Variants in LRP1B observed in about 807,000 individuals in gnomAD.
LRP1B encodes LDL receptor related protein 1B.
In LRP1B, 217 loss-of-function variants were observed where a neutral mutation model predicts 556.6. That is an observed-to-expected ratio of 0.39 (90% CI 0.35 to 0.44). LRP1B has a LOEUF of 0.44. Ranked by LOEUF, LRP1B falls within the 20% of genes least tolerant of loss-of-function variation. LRP1B has a pLI of 1.00. For missense variants in LRP1B, 5,053 were observed against 5,620.8 expected (o/e 0.90, Z 3.23); for synonymous variants, 2,047 against 1,865.8 (o/e 1.10, Z -2.50).
chr2:140,294,636 G>T (rs1180428842), intron 84 of LRP1B, among the ~76,000 whole-genome samples: 1 of 152,170 alleles, frequency 6.6e-6, no homozygotes, highest in Non-Finnish European at 1.5e-5. Flanking sequence ...GGTTTTACTA[G>T]AATAAAGGAG....
At chr2:141,057,487 A>G (rs1699209661) in intron 9 of LRP1B, among the ~76,000 whole-genome samples, 1 of 151,726 alleles carries the variant, frequency 6.6e-6, no homozygotes. Flanking sequence ...CCCAAATCTC[A>G]TCTTGAATTC....
chr2:140,529,615 T>C (rs1157024442), intron 47 of LRP1B, among the ~76,000 whole-genome samples: 1 of 152,032 alleles, frequency 6.6e-6, no homozygotes, highest in Non-Finnish European at 1.5e-5. Context: ...ATGGAATCTT[T>C]CAAAGGTTTG....
chr2:141,932,304 T>C (rs1371778894), intron 1 of LRP1B, among the ~76,000 whole-genome samples: 2 of 152,068 alleles, frequency 1.3e-5, no homozygotes, highest in Admixed American at 6.6e-5. Context: ...ATTAAAGTAT[T>C]TTAGCTTGAG....
intron 2 of LRP1B, among the ~76,000 whole-genome samples, chr2:141,788,807 C>A (rs1001082943): frequency 6.6e-6 from 1 of 150,922 alleles, no homozygotes; most frequent in African/African-American, 2.4e-5. Context: ...TTTGCCCTTG[C>A]GACAGTTTGC....
chr2:141,017,094 T>C (rs1227567782), intron 12 of LRP1B, among the ~76,000 whole-genome samples: 3 of 152,130 alleles, frequency 2.0e-5, no homozygotes, highest in Admixed American at 6.6e-5. Context: ...TTGAATTGTA[T>C]TAATCCTAGA....
Position 141,005,416 on chromosome 2 carries a change from G to A in LRP1B, c.2422C>T (p.Leu808Phe). The A allele has an allele frequency of 1.2e-6, 2 of 1,611,638 alleles. No homozygotes were observed. Among genetic ancestry groups the A allele is most frequent in the Admixed American group, 1.7e-5 (1 of 59,822 alleles). ...CGGCCTCCTGGGATAGCCAAGCAAA[G>A]TGTACTACAGCCCCCATTATTTACT... ...CRVNNGGCST[L>F]CLAIPGGRVC... The change falls in exon 15 of 91, where the codon CTT (leucine) becomes TTT (phenylalanine). Residue 808 changes from leucine to phenylalanine, a missense_variant. Leu to Phe is a conservative substitution (Grantham distance 22). Coordinates refer to ENST00000389484, the MANE Select transcript of LRP1B (RefSeq NM_018557.3).
At chr2:141,615,342 A>G (rs1688253698) in intron 2 of LRP1B, among the ~76,000 whole-genome samples, 1 of 152,192 alleles carries the variant, frequency 6.6e-6, no homozygotes, top group Non-Finnish European at 1.5e-5. Flanking sequence ...GATATTCATC[A>G]TTTATTGTAT....
chr2:141,346,460 G>A (rs1451296958), intron 3 of LRP1B, among the ~76,000 whole-genome samples: 1 of 152,032 alleles, frequency 6.6e-6, no homozygotes, highest in Non-Finnish European at 1.5e-5. Flanking sequence ...CTCTTTCCTG[G>A]AGGTAAGTCA....
rs2105000948 is a variant in LRP1B at position 140,297,907 on chromosome 2, C to T, written c.12868G>A (p.Glu4290Lys). The T allele has an allele frequency of 6.2e-7, 1 of 1,614,032 alleles. No individual in the cohort carries two copies. The highest frequency in any genetic ancestry group is 8.5e-7 in the Non-Finnish European group (1 of 1,179,926). The stretch of plus-strand genomic sequence containing the variant: ...GTTCCTCCATTTTGACAAAAATCCT[C>T]ACAGACTGTCTTACCACAGTTTGGC... ...TGPNCGKTVC[E>K]DFCQNGGTCI... Residue 4290 changes from glutamate to lysine, a missense_variant, in exon 84 of 91, where the codon GAG becomes AAG. Glu to Lys is a moderately conservative substitution (Grantham distance 56, BLOSUM62 1). This residue lies in a region of LRP1B where 551 missense variants were observed against 592.0 expected (regional missense o/e 0.93). Transcript: ENST00000389484.
At chr2:141,264,477 C>A (rs1344263909) in intron 3 of LRP1B, among the ~76,000 whole-genome samples, 1 of 152,082 alleles carries the variant, frequency 6.6e-6, no homozygotes, top group Non-Finnish European at 1.5e-5. Context: ...TTTATTGAGA[C>A]AGAGTCTTAC....
intron 3 of LRP1B, among the ~76,000 whole-genome samples, chr2:141,292,184 A>G (rs1393976035): frequency 6.6e-6 from 1 of 152,140 alleles, no homozygotes; most frequent in African/African-American, 2.4e-5. Context: ...CCTTATGAGA[A>G]TCTAATGCCT....
chr2:141,204,156 CACTT>C (rs1682165286), intron 6 of LRP1B, among the ~76,000 whole-genome samples: 1 of 152,128 alleles, frequency 6.6e-6, no homozygotes, highest in African/African-American at 2.4e-5. Context: ...ATATTAAACT[CACTT>C]GATTTGTCAA....
chr2:141,979,255 C>A (rs1473137121), intron 1 of LRP1B, among the ~76,000 whole-genome samples: 1 of 152,002 alleles, frequency 6.6e-6, no homozygotes, highest in African/African-American at 2.4e-5. Context: ...TGGAAGAAAG[C>A]AAAGAGATAG....
intron 1 of LRP1B, among the ~76,000 whole-genome samples, chr2:142,077,935 T>A (rs1705570519): frequency 6.6e-6 from 1 of 152,132 alleles, no homozygotes; most frequent in Non-Finnish European, 1.5e-5. Flanking sequence ...ATAACATAAT[T>A]ATCTACTGCT....
At chr2:141,792,873 C>T (rs1049825641) in intron 2 of LRP1B, among the ~76,000 whole-genome samples, 5 of 151,846 alleles carry the variant, frequency 3.3e-5, no homozygotes, top group African/African-American at 1.2e-4. Context: ...TCAATTATTC[C>T]AAAGATTAAG....
intron 3 of LRP1B, among the ~76,000 whole-genome samples, chr2:141,448,585 A>G (rs1681286667): frequency 6.6e-6 from 1 of 152,170 alleles, no homozygotes. Context: ...AAAGCGTAGT[A>G]TCTGGGCCGG....
chr2:141,341,415 A>G (rs1423419779), intron 3 of LRP1B, among the ~76,000 whole-genome samples: 2 of 151,922 alleles, frequency 1.3e-5, no homozygotes, highest in Non-Finnish European at 2.9e-5. Flanking sequence ...GTTCCTCCTC[A>G]TTAAAGAAAT....
At chr2:142,097,597 C>G (rs1192773927) in intron 1 of LRP1B, among the ~76,000 whole-genome samples, 1 of 151,524 alleles carries the variant, frequency 6.6e-6, no homozygotes, top group Non-Finnish European at 1.5e-5. Flanking sequence ...CATTTTAAAA[C>G]TTAAGTGAGC....
At chr2:141,421,430 G>A (rs12468837) in intron 3 of LRP1B, among the ~76,000 whole-genome samples, 1 of 149,530 alleles carries the variant, frequency 6.7e-6, no homozygotes, top group African/African-American at 2.5e-5. Context: ...TTGGGAGGCT[G>A]AGGCAGGAGA....
Sources: gnomAD v4.1 joint callset for allele counts (sites outside exome capture counted in the v4.1 genomes callset) on GRCh38, gnomAD v4.1.1 for gene constraint, gnomAD v4.1.1 regional missense constraint, MANE v1.5 for transcripts, NCBI Gene and HGNC (gene_info 2026-07-23, HGNC 2026-07-21) for gene names.